MAST4: variants seen among roughly 807,000 people sequenced by gnomAD.
MAST4 encodes the protein microtubule associated serine/threonine kinase family member 4.
MAST4 carries 89 observed loss-of-function variants against 162.7 expected under a neutral mutation model. The observed-to-expected ratio is 0.55, with a 90% confidence interval of 0.46 to 0.65. The LOEUF (loss-of-function observed/expected upper bound fraction) is 0.65. MAST4 is among the 30% of genes least tolerant of loss of function. The pLI, the probability that MAST4 is intolerant of heterozygous loss-of-function variation, is 0.00. For missense variants in MAST4, 3,153 were observed against 3,374.0 expected, an observed-to-expected ratio of 0.93 and a Z score of 1.62; for synonymous variants, 1,479 against 1,361.1, an observed-to-expected ratio of 1.09 and a Z score of -1.91.
rs1171209831 is a variant in MAST4, at chr5:67,060,814, A to G, written c.763+6322A>G. 2.6e-5 allele frequency among the ~76,000 whole-genome samples: 4 copies of G among 152,150 alleles called. No individual in the cohort carries two copies. The South Asian group carries it at 6.2e-4, about 24-fold the overall frequency. Reference sequence around the variant, plus strand: ...AAACTTTGTAATATTCTACTGCCCCAGGACTTTAACCTTGGAAGATGTGTA... The same window carrying G: ...AAACTTTGTAATATTCTACTGCCCCGGGACTTTAACCTTGGAAGATGTGTA... On this transcript the variant is annotated intron_variant, in intron 5 of 28. Coordinates refer to ENST00000403625, the MANE Select transcript of MAST4 (RefSeq NM_001164664.2).
Position 67,166,230 on chromosome 5 carries a change from A to AACAG in MAST4, c.7063_7066dup (p.Lys2356ArgfsTer22). The AACAG allele has an allele frequency of 6.4e-7, 1 of 1,551,860 alleles. No individual in the cohort carries two copies. Among genetic ancestry groups the AACAG allele is most frequent in the Non-Finnish European group, 8.7e-7 (1 of 1,147,400 alleles). On this transcript the variant is annotated frameshift_variant, in exon 29 of 29. Transcript: ENST00000403625. LOFTEE classifies it low-confidence loss of function (END_TRUNC). The stretch of plus-strand genomic sequence containing the variant: ...CCCCACCCTGTGCAAACAGACAGAC[A>AACAG]ACAGACAGACAGACAAAAGCCCGAG...
At chr5:67,139,555 G>A (rs757440051) in intron 19 of MAST4, among the ~76,000 whole-genome samples, 5 of 152,148 alleles carry the variant, frequency 3.3e-5, no homozygotes, top group African/African-American at 4.8e-5. Context: ...CAGTTTCCTA[G>A]TCTATGGAAA....
At chr5:67,013,259 G>T (rs1448266876) in intron 4 of MAST4, among the ~76,000 whole-genome samples, 1 of 152,156 alleles carries the variant, frequency 6.6e-6, no homozygotes, top group Non-Finnish European at 1.5e-5. Flanking sequence ...CCAGCACCTT[G>T]TGCCCCTGGA....
At chr5:66,736,372 T>C (rs1752155996) in intron 1 of MAST4, among the ~76,000 whole-genome samples, 1 of 143,220 alleles carries the variant, frequency 7.0e-6, no homozygotes. Flanking sequence ...TATGTGCCTC[T>C]TAGCCTGCTG....
intron 1 of MAST4, among the ~76,000 whole-genome samples, chr5:66,714,376 G>C (rs1389559503): frequency 1.3e-5 from 2 of 152,140 alleles, no homozygotes; most frequent in Non-Finnish European, 2.9e-5. Flanking sequence ...TCTCCTAAGA[G>C]AACACAAGAA....
chr5:67,150,918 A>G (rs1378012472), intron 24 of MAST4, among the ~76,000 whole-genome samples: 6 of 152,184 alleles, frequency 3.9e-5, no homozygotes, highest in Admixed American at 2.6e-4. Context: ...TCTTCTTTGA[A>G]CAAGCATAAG....
At chr5:66,625,669 G>C (rs560058889) in intron 1 of MAST4, among the ~76,000 whole-genome samples, 2 of 152,140 alleles carry the variant, frequency 1.3e-5, no homozygotes, top group African/African-American at 4.8e-5. Context: ...ATGGAGAAAT[G>C]GGAATCCTAG....
intron 3 of MAST4, among the ~76,000 whole-genome samples, chr5:66,896,215 C>G (rs1257648405): frequency 1.3e-5 from 2 of 152,112 alleles, no homozygotes; most frequent in Admixed American, 1.3e-4. Context: ...TAGAAGGTCC[C>G]TCCATTTGGG....
intron 1 of MAST4, among the ~76,000 whole-genome samples, chr5:66,642,575 TG>T (rs1263501246): frequency 6.6e-6 from 1 of 152,148 alleles, no homozygotes; most frequent in Non-Finnish European, 1.5e-5. Flanking sequence ...TCTGGGGAAG[TG>T]GGCAAGGACA....
At chr5:67,022,925 G>A (rs1363250628) in intron 4 of MAST4, among the ~76,000 whole-genome samples, 1 of 151,654 alleles carries the variant, frequency 6.6e-6, no homozygotes, top group Non-Finnish European at 1.5e-5. Flanking sequence ...CTAGAATATG[G>A]CAGGCCCATA....
intron 4 of MAST4, among the ~76,000 whole-genome samples, chr5:67,046,713 A>C (rs1757414929): frequency 6.6e-6 from 1 of 152,228 alleles, no homozygotes; most frequent in Non-Finnish European, 1.5e-5. Flanking sequence ...CAGAAGTACT[A>C]TATAAGGTAA....
chr5:67,162,881 A>C lies in MAST4; in HGVS notation c.3967+93A>C, dbSNP rs1427496077. 4.5e-6 allele frequency: 6 copies of C among 1,343,780 alleles called. No homozygotes were observed. The East Asian group carries it at 1.4e-4, about 32-fold the overall frequency. 83.2% of individuals were successfully genotyped at this position (1,343,780 alleles called of 1,614,324 possible). On this transcript the variant is annotated intron_variant, in intron 28 of 28. Coordinates refer to ENST00000403625, the MANE Select transcript of MAST4 (RefSeq NM_001164664.2). ...ACATGAAGCTTGTTCCAGCTGAAAG[A>C]AAGCAGGTTGAAGGTGTAAATTATA...
chr5:66,621,449 A>G (rs1241891275), intron 1 of MAST4, among the ~76,000 whole-genome samples: 2 of 152,200 alleles, frequency 1.3e-5, no homozygotes, highest in Non-Finnish European at 2.9e-5. Flanking sequence ...TCTACTTTGC[A>G]TCTTAGTTAA....
At chr5:67,078,722 A>G (rs1762013618) in intron 5 of MAST4, among the ~76,000 whole-genome samples, 1 of 114,962 alleles carries the variant, frequency 8.7e-6, no homozygotes, top group African/African-American at 4.1e-5. Flanking sequence ...TATTTATATT[A>G]TATTTATATT....
At chr5:66,953,268 G>A (rs1408982632) in intron 4 of MAST4, among the ~76,000 whole-genome samples, 1 of 152,174 alleles carries the variant, frequency 6.6e-6, no homozygotes, top group Non-Finnish European at 1.5e-5. Context: ...AAGGAAAGAG[G>A]TGAGAAAATA....
At chr5:66,868,019 T>G (rs944364387) in intron 3 of MAST4, among the ~76,000 whole-genome samples, 3 of 152,220 alleles carry the variant, frequency 2.0e-5, no homozygotes, top group African/African-American at 7.2e-5. Context: ...AGTGACATAA[T>G]TTAATGTTTT....
intron 1 of MAST4, among the ~76,000 whole-genome samples, chr5:66,749,705 G>C (rs1292537086): frequency 6.6e-6 from 1 of 152,182 alleles, no homozygotes; most frequent in Non-Finnish European, 1.5e-5. Flanking sequence ...CATCCTTACT[G>C]CCACCCCAGT....
chr5:67,135,412 C>G (rs1769486141), intron 18 of MAST4, among the ~76,000 whole-genome samples: 2 of 152,194 alleles, frequency 1.3e-5, no homozygotes, highest in Admixed American at 1.3e-4. Context: ...AGAAAGGCCT[C>G]TCATCTTGAA....
chr5:67,130,797 C>G (rs188909010), intron 15 of MAST4, among the ~76,000 whole-genome samples: 14 of 152,144 alleles, frequency 9.2e-5, no homozygotes, highest in African/African-American at 3.1e-4. Flanking sequence ...ATATTCTTTT[C>G]AGTCTATAGT....
Sources: allele counts gnomAD v4.1 joint callset (sites outside exome capture counted in the v4.1 genomes callset), GRCh38; gene constraint gnomAD v4.1.1; transcripts MANE v1.5; gene names NCBI Gene and HGNC (gene_info 2026-07-23, HGNC 2026-07-21).